C7: variants seen among roughly 807,000 people sequenced by gnomAD.
C7 encodes complement component C7.
A neutral mutation model predicts 104.8 loss-of-function variants in C7; 83 were observed. That is an observed-to-expected ratio of 0.79 (90% CI 0.66 to 0.95). The LOEUF is 0.95. Ranked by LOEUF, C7 falls within the 40% of genes least tolerant of loss-of-function variation. The probability of loss-of-function intolerance (pLI) is 0.00; values close to 1 mark genes in which losing one functional copy is unlikely to be tolerated. For synonymous variants in C7, 415 were observed against 360.6 expected (o/e 1.15, Z -1.71); for missense variants, 1,070 against 1,011.2 (o/e 1.06, Z -0.79).
At chr5:40,954,681 C>T (rs1466080274) in intron 9 of C7, among the ~76,000 whole-genome samples, 3 of 151,476 alleles carry the variant, frequency 2.0e-5, no homozygotes, top group Non-Finnish European at 2.9e-5. Flanking sequence ...GCCAGGAGTT[C>T]GAGACCAGTC....
chr5:40,961,780 C>T (rs544344687), intron 12 of C7, among the ~76,000 whole-genome samples: 1 of 152,282 alleles, frequency 6.6e-6, no homozygotes, highest in East Asian at 1.9e-4. Flanking sequence ...CAGGTGACCT[C>T]TAGAAAGCAG....
chr5:40,945,514 T>C (rs1740028092), intron 7 of C7, 146 bp downstream of exon 7: 1 of 561,016 alleles, frequency 1.8e-6, no homozygotes, highest in Admixed American at 3.8e-5. Flanking sequence ...CAATGCAATA[T>C]CTTTCTCTAA....
chr5:40,958,285 G>A (rs1579864105), intron 11 of C7, 24 bp downstream of exon 11: 1 of 1,493,324 alleles, frequency 6.7e-7, no homozygotes, highest in Admixed American at 1.8e-5. Context: ...ATTTTCTCTA[G>A]CCACCCTGTA....
intron 6 of C7, among the ~76,000 whole-genome samples, chr5:40,939,128 G>A (rs1739877602): frequency 6.6e-6 from 1 of 151,806 alleles, no homozygotes; most frequent in Non-Finnish European, 1.5e-5. Flanking sequence ...CAGACAAAAG[G>A]GCCTTTTGCT....
At chr5:40,946,547 T>C (rs1286634091) in intron 7 of C7, among the ~76,000 whole-genome samples, 1 of 152,220 alleles carries the variant, frequency 6.6e-6, no homozygotes, top group African/African-American at 2.4e-5. Context: ...GTCTTGGACA[T>C]CATTAAAAGA....
intron 15 of C7, among the ~76,000 whole-genome samples, chr5:40,974,343 GTTC>G (rs1245585419): frequency 6.8e-6 from 1 of 147,442 alleles, no homozygotes; most frequent in Non-Finnish European, 1.5e-5. Flanking sequence ...ACAAAGCTAT[GTTC>G]TTCTTAAATG....
chr5:40,975,366 C>CTTTTTTTTTT (rs1162765793), intron 15 of C7, among the ~76,000 whole-genome samples: 1 of 142,012 alleles, frequency 7.0e-6, no homozygotes. Flanking sequence ...GAGAAGTGTG[C>CTTTTTTTTTT]TTTTTTTTTT....
chr5:40,917,197 A>G (rs1342425306), intron 1 of C7, among the ~76,000 whole-genome samples: 1 of 151,968 alleles, frequency 6.6e-6, no homozygotes, highest in Non-Finnish European at 1.5e-5. Flanking sequence ...ATTTTGTATG[A>G]TAGATCTCTT....
At chr5:40,935,924 G>A (rs753473337) in intron 4 of C7, among the ~76,000 whole-genome samples, 3 of 152,116 alleles carry the variant, frequency 2.0e-5, no homozygotes, top group Non-Finnish European at 2.9e-5. Context: ...TGATAAAATT[G>A]TCCGGCTCTT....
At chr5:40,917,333 T>G (rs1192824071) in intron 1 of C7, among the ~76,000 whole-genome samples, 1 of 152,170 alleles carries the variant, frequency 6.6e-6, no homozygotes, top group Non-Finnish European at 1.5e-5. Flanking sequence ...TTCAACATTT[T>G]TAGATTCCAA....
Position 40,909,518 on chromosome 5 carries a change from C to G in C7, c.-93C>G. ...GAGCAGGGAGAGGCAGAGAGGCAGG[C>G]AGCCTGCTGGGCTCTTCCTGCTGTT... On this transcript the variant is annotated 5_prime_UTR_variant, in exon 1 of 18. Coordinates refer to ENST00000313164, the MANE Select transcript of C7 (RefSeq NM_000587.4). 3.4e-6 allele frequency: 3 copies of G among 894,156 alleles called. No individual in the cohort carries two copies. The highest frequency in any genetic ancestry group is 5.2e-6 in the Non-Finnish European group (3 of 571,726). The allele number at this position is 894,156 out of a possible 1,614,324, so 55.4% of individuals were successfully genotyped here.
chr5:40,951,307 A>G (rs1740166109), intron 9 of C7, among the ~76,000 whole-genome samples: 1 of 151,988 alleles, frequency 6.6e-6, no homozygotes, highest in African/African-American at 2.4e-5. Context: ...ATTTTTTCCC[A>G]TTTTGTGGGT....
At chr5:40,965,648 A>ATATATATATTT (rs35802990) in intron 14 of C7, among the ~76,000 whole-genome samples, 325 of 130,274 alleles carry the variant, frequency 2.5e-3, no homozygotes, top group East Asian at 5.7e-3. Flanking sequence ...ATATATATAT[A>ATATATATATTT]TTTTTTTTTT....
In C7 at chr5:40,944,640, C is replaced by T. The variant is rs139647809; in HGVS notation, c.568-558C>T. Among the ~76,000 whole-genome samples the T allele has an allele frequency of 2.1e-3, 320 of 152,292 alleles. 1 individual carries two copies. Among genetic ancestry groups the T allele is most frequent in the Non-Finnish European group, 3.0e-3 (204 of 68,032 alleles). ...TTCTCATTTAGCTACATGTGACTAA[C>T]CTATTGTCTACTTTAAAATTCTTTT... On this transcript the variant is annotated intron_variant, in intron 6 of 17. Transcript: ENST00000313164.
chr5:40,959,910 G>GT (rs1442790700), intron 12 of C7, among the ~76,000 whole-genome samples: 1 of 152,190 alleles, frequency 6.6e-6, no homozygotes, highest in African/African-American at 2.4e-5. Flanking sequence ...CCTTGGGCAA[G>GT]TTACTGGCCA....
intron 9 of C7, among the ~76,000 whole-genome samples, chr5:40,953,364 T>C (rs1740217590): frequency 6.6e-6 from 1 of 152,014 alleles, no homozygotes; most frequent in Admixed American, 6.6e-5. Flanking sequence ...TAAATTCGAC[T>C]AGGCGTGGTG....
At chr5:40,941,132 C>T (rs1286759308) in intron 6 of C7, among the ~76,000 whole-genome samples, 5 of 149,528 alleles carry the variant, frequency 3.3e-5, no homozygotes, top group Admixed American at 6.7e-5. Flanking sequence ...CGTGTGATCT[C>T]GGCTCACTGC....
intron 14 of C7, among the ~76,000 whole-genome samples, chr5:40,969,897 C>T (rs889921418): frequency 4.6e-5 from 7 of 151,918 alleles, no homozygotes; most frequent in African/African-American, 1.7e-4. Context: ...CTTGTTAGTG[C>T]TCTGATTCTT....
chr5:40,949,452 T>G (rs1053572687), intron 8 of C7, among the ~76,000 whole-genome samples: 10 of 151,916 alleles, frequency 6.6e-5, no homozygotes, highest in African/African-American at 2.4e-4. Context: ...ATGTTGGAAG[T>G]CACAGATGTT....
Sources: allele counts gnomAD v4.1 joint callset (sites outside exome capture counted in the v4.1 genomes callset), GRCh38; gene constraint gnomAD v4.1.1; transcripts MANE v1.5; gene names NCBI Gene and HGNC (gene_info 2026-07-23, HGNC 2026-07-21).